ARB2A: variants seen among roughly 807,000 people sequenced by gnomAD.
The protein encoded by ARB2A is ARB2 cotranscriptional regulator A, also known as cotranscriptional regulator ARB2A.
the ARB2A span, among the ~76,000 whole-genome samples, chr5:93,854,208 T>G: frequency 6.6e-6 from 1 of 152,220 alleles, no homozygotes; most frequent in Non-Finnish European, 1.5e-5. Flanking sequence ...GTCGAGAAAT[T>G]TATCCATTTC....
At chr5:93,857,197 G>A in the ARB2A span, among the ~76,000 whole-genome samples, 2 of 152,158 alleles carry the variant, frequency 1.3e-5, no homozygotes, top group African/African-American at 2.4e-5. Flanking sequence ...CCCCTACTGG[G>A]TGGTGCCTCC....
At chr5:94,101,560 C>A in the ARB2A span, among the ~76,000 whole-genome samples, 1 of 152,072 alleles carries the variant, frequency 6.6e-6, no homozygotes, top group Non-Finnish European at 1.5e-5. Flanking sequence ...CAATGACAGA[C>A]TGGATAAAGA....
the ARB2A span, among the ~76,000 whole-genome samples, chr5:93,957,617 T>C: frequency 6.6e-6 from 1 of 152,068 alleles, no homozygotes; most frequent in Non-Finnish European, 1.5e-5. Context: ...TTTCCATTCT[T>C]TGCCTATCCA....
At chr5:94,004,998 C>CAAAAAA in the ARB2A span, among the ~76,000 whole-genome samples, 119 of 12,512 alleles carry the variant, frequency 9.5e-3, 4 homozygotes, top group East Asian at 0.019. Flanking sequence ...ATTTTATCAG[C>CAAAAAA]AAAAAAAAAA....
the ARB2A span, among the ~76,000 whole-genome samples, chr5:94,066,758 A>G: frequency 6.6e-6 from 1 of 152,208 alleles, no homozygotes; most frequent in Admixed American, 6.5e-5. Flanking sequence ...CCAAATGTCT[A>G]AAGAAAAACT....
the ARB2A span, among the ~76,000 whole-genome samples, chr5:93,668,088 T>G: frequency 6.6e-6 from 1 of 152,210 alleles, no homozygotes. Flanking sequence ...AAAAATATTA[T>G]GTTCTTAAAG....
At chr5:93,784,506 TA>T in the ARB2A span, 1 of 1,605,778 alleles carries the variant, frequency 6.2e-7, no homozygotes, top group Admixed American at 1.7e-5. Context: ...TCATCTGTTT[TA>T]AAAAAGGAAA....
chr5:93,726,257 T>C, the ARB2A span, among the ~76,000 whole-genome samples: 4 of 152,042 alleles, frequency 2.6e-5, no homozygotes, highest in Non-Finnish European at 5.9e-5. Context: ...AAAACTCTTC[T>C]CTGGGGAAGC....
chr5:94,044,193 G>C, the ARB2A span, among the ~76,000 whole-genome samples: 2 of 152,170 alleles, frequency 1.3e-5, no homozygotes, highest in African/African-American at 2.4e-5. Flanking sequence ...CATCAGCTTG[G>C]TTCTAACAGT....
chr5:93,865,707 T>A, the ARB2A span: 1 of 985,410 alleles, frequency 1.0e-6, no homozygotes, highest in Non-Finnish European at 1.2e-6. Context: ...TGACATCCAG[T>A]ACTGAAAGAA....
the ARB2A span, among the ~76,000 whole-genome samples, chr5:94,070,926 C>T: frequency 1.3e-5 from 2 of 152,034 alleles, no homozygotes; most frequent in African/African-American, 4.8e-5. Flanking sequence ...TAAGAGAACT[C>T]TCATACATTA....
chr5:93,866,996 A>T, the ARB2A span, among the ~76,000 whole-genome samples: 2 of 152,312 alleles, frequency 1.3e-5, no homozygotes, highest in East Asian at 3.9e-4. Flanking sequence ...TGAAAAAAAA[A>T]TGCCTCATTG....
At chr5:93,638,938 C>T in the ARB2A span, among the ~76,000 whole-genome samples, 1 of 152,178 alleles carries the variant, frequency 6.6e-6, no homozygotes, top group African/African-American at 2.4e-5. Context: ...ATTTCCTAAA[C>T]AATCATATCA....
the ARB2A span, among the ~76,000 whole-genome samples, chr5:93,685,378 G>A: frequency 6.6e-6 from 1 of 152,074 alleles, no homozygotes; most frequent in Admixed American, 6.5e-5. Context: ...AAGAAAGGAA[G>A]GATAAAAGAC....
chr5:94,046,946 A>G, the ARB2A span, among the ~76,000 whole-genome samples: 3 of 152,214 alleles, frequency 2.0e-5, no homozygotes, highest in Admixed American at 2.0e-4. Context: ...ATAAAATTCA[A>G]TTAATAATTA....
chr5:93,721,078 G>A, the ARB2A span, among the ~76,000 whole-genome samples: 1 of 152,118 alleles, frequency 6.6e-6, no homozygotes, highest in Non-Finnish European at 1.5e-5. Flanking sequence ...ATAATCTTAA[G>A]ATTAAGGAAA....
the ARB2A span, among the ~76,000 whole-genome samples, chr5:93,849,733 T>G: frequency 6.6e-6 from 1 of 152,146 alleles, no homozygotes; most frequent in Non-Finnish European, 1.5e-5. Flanking sequence ...TTATAGTTGA[T>G]TTTTCTTCCT....
the ARB2A span, among the ~76,000 whole-genome samples, chr5:93,716,804 C>T: frequency 2.9e-4 from 43 of 149,674 alleles, no homozygotes; most frequent in African/African-American, 8.3e-4. Flanking sequence ...GCTGTTCATA[C>T]TCAGTACAAT....
chr5:93,724,908 A>C, the ARB2A span, among the ~76,000 whole-genome samples: 1 of 152,050 alleles, frequency 6.6e-6, no homozygotes, highest in Non-Finnish European at 1.5e-5. Flanking sequence ...TGTGAACACA[A>C]ACACTATGAT....
Sources: allele counts gnomAD v4.1 joint callset (sites outside exome capture counted in the v4.1 genomes callset), GRCh38; gene constraint gnomAD v4.1.1; transcripts MANE v1.5; gene names NCBI Gene and HGNC (gene_info 2026-07-23, HGNC 2026-07-21).